CDK8: variants seen among roughly 807,000 people sequenced by gnomAD.
The protein encoded by CDK8 is cyclin dependent kinase 8, also known as cyclin-dependent kinase 8.
A neutral mutation model predicts 71.5 loss-of-function variants in CDK8; 29 were observed. The ratio of observed to expected loss-of-function variants is 0.41; its 90% CI spans 0.30 to 0.55. The LOEUF (loss-of-function observed/expected upper bound fraction) is 0.55. Among genes scored for constraint, CDK8 ranks in the 20% least tolerant of loss-of-function variants. The pLI, the probability that CDK8 is intolerant of heterozygous loss-of-function variation, is 0.37. For synonymous variants in CDK8, 161 were observed against 192.1 expected (o/e 0.84, Z 1.34); for missense variants, 288 against 572.6 (o/e 0.50, Z 5.07).
At chr13:26,275,487 G>T (rs1317855481) in intron 1 of CDK8, among the ~76,000 whole-genome samples, 1 of 152,154 alleles carries the variant, frequency 6.6e-6, no homozygotes, top group African/African-American at 2.4e-5. Flanking sequence ...TATTTAAGTA[G>T]TGTTGTGCAC....
intron 1 of CDK8, among the ~76,000 whole-genome samples, chr13:26,280,164 T>G (rs1002324259): frequency 1.3e-5 from 2 of 152,210 alleles, no homozygotes; most frequent in African/African-American, 4.8e-5. Flanking sequence ...GACAATTTGT[T>G]AAATAATTAC....
At chr13:26,323,204 T>A (rs997736144) in intron 1 of CDK8, among the ~76,000 whole-genome samples, 1 of 152,136 alleles carries the variant, frequency 6.6e-6, no homozygotes, top group Non-Finnish European at 1.5e-5. Flanking sequence ...CTCCCAGTTC[T>A]GGAAGTTGTA....
rs1593317822 is a variant in CDK8, at chr13:26,404,182, A to C, written c.*101A>C. 2 of 1,335,636 alleles carry C rather than the reference A, an allele frequency of 1.5e-6. No individual in the cohort carries two copies. The highest frequency in any genetic ancestry group is 4.7e-5 in the East Asian group (2 of 42,112). The allele number at this position is 1,335,636 out of a possible 1,614,324, so 82.7% of individuals were successfully genotyped here. A position where few individuals can be genotyped will look rare whatever the true frequency, so the allele number is the denominator to read the frequency against. On this transcript the variant is annotated 3_prime_UTR_variant, in exon 13 of 13. Transcript: ENST00000381527. ...TATGGGCCATGAGAATGTACTGTAC[A>C]ACCACATCTTCAAAATGTCCAGTAG...
At chr13:26,265,269 G>A (rs1429493153) in intron 1 of CDK8, among the ~76,000 whole-genome samples, 1 of 152,144 alleles carries the variant, frequency 6.6e-6, no homozygotes. Flanking sequence ...TAACTCTTTA[G>A]GGAACTTACA....
chr13:26,338,300 T>C (rs1873076194), intron 2 of CDK8, among the ~76,000 whole-genome samples: 2 of 152,150 alleles, frequency 1.3e-5, no homozygotes, highest in South Asian at 4.1e-4. Flanking sequence ...TTATAATCTT[T>C]GCTTTTGTTG....
chr13:26,295,181 A>G (rs138533410), intron 1 of CDK8, among the ~76,000 whole-genome samples: 175 of 152,324 alleles, frequency 1.1e-3, no homozygotes, highest in African/African-American at 4.0e-3. Context: ...TAAAGTACCA[A>G]AACATTGACT....
intron 1 of CDK8, among the ~76,000 whole-genome samples, chr13:26,294,184 T>C (rs558854552): frequency 1.9e-4 from 29 of 151,856 alleles, no homozygotes; most frequent in Admixed American, 9.2e-4. Context: ...CAGGCTGGAA[T>C]ACAGTGGCAG....
At chr13:26,305,589 C>T (rs997125857) in intron 1 of CDK8, among the ~76,000 whole-genome samples, 1 of 152,054 alleles carries the variant, frequency 6.6e-6, no homozygotes, top group Non-Finnish European at 1.5e-5. Context: ...TGTATATTCG[C>T]CCTTCTTATT....
intron 1 of CDK8, among the ~76,000 whole-genome samples, chr13:26,257,092 A>C (rs866004537): frequency 6.6e-6 from 1 of 152,204 alleles, no homozygotes; most frequent in African/African-American, 2.4e-5. Context: ...TAATAAGATG[A>C]TGATCAAATA....
At chr13:26,291,641 C>T (rs1264683266) in intron 1 of CDK8, among the ~76,000 whole-genome samples, 1 of 152,142 alleles carries the variant, frequency 6.6e-6, no homozygotes, top group Admixed American at 6.5e-5. Context: ...GATATTTTTT[C>T]TCTCTAATTT....
At chr13:26,312,520 C>T (rs574084803) in intron 1 of CDK8, among the ~76,000 whole-genome samples, 3 of 152,050 alleles carry the variant, frequency 2.0e-5, no homozygotes, top group African/African-American at 4.8e-5. Flanking sequence ...ACACTCACTG[C>T]GAAGGTCTGC....
intron 1 of CDK8, among the ~76,000 whole-genome samples, chr13:26,308,333 A>G (rs965044033): frequency 6.6e-6 from 1 of 152,228 alleles, no homozygotes; most frequent in African/African-American, 2.4e-5. Flanking sequence ...TTGGAGGTAT[A>G]GGTAGACACC....
intron 1 of CDK8, among the ~76,000 whole-genome samples, chr13:26,302,013 A>G (rs137872781): frequency 7.4e-4 from 112 of 152,354 alleles, no homozygotes; most frequent in Non-Finnish European, 1.4e-3. Context: ...GTGAGGCAAG[A>G]GTGCGGACCC....
At chr13:26,345,052 G>A (rs1206942370) in intron 2 of CDK8, among the ~76,000 whole-genome samples, 1 of 152,118 alleles carries the variant, frequency 6.6e-6, no homozygotes, top group East Asian at 1.9e-4. Flanking sequence ...CCACACACAC[G>A]AGTAATGCAC....
rs202147077 is a variant in CDK8, at chr13:26,376,225, T to C, written c.457-6589T>C. The stretch of plus-strand genomic sequence containing the variant: ...GGTTCGCTTTTTTAATACATCAAGT[T>C]AAATTAATAATAATGAAAGAAAGGA... On this transcript the variant is annotated intron_variant, in intron 4 of 12. Coordinates refer to ENST00000381527, the MANE Select transcript of CDK8 (RefSeq NM_001260.3). 1.2e-3 allele frequency among the ~76,000 whole-genome samples: 9 copies of C among 7,504 alleles called. No homozygotes were observed. The South Asian group carries it at 0.13, about 107-fold the overall frequency. The allele number at this position is 7,504 out of a possible 152,430, so 4.9% of individuals were successfully genotyped here.
At position 26,273,964 on chromosome 13, in the gene CDK8, T is replaced by TA. The variant is rs929227891; in HGVS notation, c.128+19197dup. On this transcript the variant is annotated intron_variant, in intron 1 of 12. Transcript: ENST00000381527. ...ATAGACTGTGTATATTCCATGTCAC[T>TA]AATCATCTTTCTAAATCTTTCTGTT... Among the ~76,000 whole-genome samples the TA allele has an allele frequency of 2.3e-4, 35 of 152,312 alleles. 1 individual carries two copies. The highest frequency in any genetic ancestry group is 1.0e-3 in the Admixed American group (16 of 15,292).
At chr13:26,317,561 G>A (rs1218791110) in intron 1 of CDK8, among the ~76,000 whole-genome samples, 1 of 152,146 alleles carries the variant, frequency 6.6e-6, no homozygotes, top group Non-Finnish European at 1.5e-5. Flanking sequence ...AGTCTCAATA[G>A]TTTTTTAAAG....
intron 9 of CDK8, chr13:26,399,996 T>A (rs1876178916): frequency 5.0e-6 from 1 of 198,264 alleles, no homozygotes; most frequent in African/African-American, 2.4e-5. Flanking sequence ...TAGCCACATT[T>A]GGCTCTTGAA....
At chr13:26,374,132 C>T (rs1029433770) in intron 4 of CDK8, among the ~76,000 whole-genome samples, 5 of 151,298 alleles carry the variant, frequency 3.3e-5, no homozygotes, top group African/African-American at 7.3e-5. Flanking sequence ...ACCTGGGAGG[C>T]GGAGCTTGCA....
Sources: gnomAD v4.1 joint callset for allele counts (sites outside exome capture counted in the v4.1 genomes callset) on GRCh38, gnomAD v4.1.1 for gene constraint, MANE v1.5 for transcripts, NCBI Gene and HGNC (gene_info 2026-07-23, HGNC 2026-07-21) for gene names.